CTDP1: variants seen among roughly 807,000 people sequenced by gnomAD.
CTDP1 encodes the protein CTD phosphatase 1.
Under a neutral mutation model 91.8 loss-of-function variants are expected in CTDP1, and 47 were observed. The observed-to-expected ratio is 0.51, with a 90% CI of 0.41 to 0.65. CTDP1 has a LOEUF of 0.65. Among genes scored for constraint, CTDP1 ranks in the 30% least tolerant of loss-of-function variants. CTDP1 has a pLI of 0.00. For missense variants in CTDP1, 1,272 were observed against 1,373.7 expected, an observed-to-expected ratio of 0.93 and a Z score of 1.17; for synonymous variants, 656 against 598.5, an observed-to-expected ratio of 1.10 and a Z score of -1.40.
upstream of CTDP1, chr18:79,678,163 GAA>G (rs2085277232): frequency 6.6e-6 from 1 of 152,226 alleles, no homozygotes. Context: ...ATGGTTTTGA[GAA>G]AAGAGAATTT....
chr18:79,683,757 G>A (rs2085424932), intron 1 of CTDP1, among the ~76,000 whole-genome samples: 1 of 152,234 alleles, frequency 6.6e-6, no homozygotes, highest in Non-Finnish European at 1.5e-5. Flanking sequence ...GGGGCCTTTG[G>A]AGAAAGTCTT....
upstream of CTDP1, chr18:79,679,121 G>A (rs1238437160): frequency 7.4e-6 from 2 of 272,006 alleles, no homozygotes; most frequent in African/African-American, 2.4e-5. Flanking sequence ...CTCCCGCTGC[G>A]GTCCGATTTT....
chr18:79,705,023 T>G, intron 5 of CTDP1, 106 bp downstream of exon 5: 2 of 1,530,184 alleles, frequency 1.3e-6, no homozygotes, highest in Admixed American at 3.6e-5. Flanking sequence ...CTCCTGCAAC[T>G]CAGTTGTAGT....
rs1216450990 is a variant in CTDP1 at position 79,720,323 on chromosome 18, ACCTCCCG to A, written c.2417+2308_2417+2314del. Among the ~76,000 whole-genome samples the A allele has an allele frequency of 1.1e-3, 61 of 53,560 alleles. 3 individuals are homozygous for A. The highest frequency in any genetic ancestry group is 8.6e-4 in the Admixed American group (4 of 4,650). 35.1% of individuals were successfully genotyped at this position (53,560 alleles called of 152,430 possible). A position where few individuals can be genotyped will look rare whatever the true frequency, so the allele number is the denominator to read the frequency against. On this transcript the variant is annotated intron_variant, in intron 10 of 12. Coordinates refer to ENST00000613122, the MANE Select transcript of CTDP1 (RefSeq NM_004715.5). Reference sequence around the variant, plus strand: ...CCTATTGTGTCCTGGTGATGCTGTCACCTCCCGTCATTAGGAGGGCGTCCTGGTGATG... The same window carrying A: ...CCTATTGTGTCCTGGTGATGCTGTCATCATTAGGAGGGCGTCCTGGTGATG...
intron 3 of CTDP1, among the ~76,000 whole-genome samples, chr18:79,697,632 C>A (rs1035344890): frequency 6.6e-6 from 1 of 152,200 alleles, no homozygotes; most frequent in Admixed American, 6.5e-5. Flanking sequence ...CCTCCGTTTT[C>A]ATTGGCTCAT....
At position 79,717,840 on chromosome 18, in the gene CTDP1, G is replaced by C. The variant is rs151072597; in HGVS notation, c.2241G>C (p.Arg747=). ...RENSPAAFPD[R]EGVPPTALFH... ...ACAGCCCTGCGGCCTTTCCCGACCG[G>C]GAGGGTGTGCCCCCCACCGCCTTGT... Residue 747 remains arginine, a synonymous_variant, in exon 10 of 13, where the codon CGG becomes CGC. Transcript: ENST00000613122. 4,012 of 1,613,648 alleles carry C rather than the reference G, an allele frequency of 2.5e-3. 87 individuals are homozygous for C. In the African/African-American group the frequency reaches 0.048, roughly 19 times the overall value.
rs374375255 is a variant in CTDP1 at position 79,729,009 on chromosome 18, G to A, written c.2520G>A (p.Met840Ile). Residue 840 changes from methionine to isoleucine, a missense_variant, in exon 11 of 13, where the codon ATG (methionine) becomes ATA (isoleucine). By Grantham distance (10) the Met-to-Ile change is conservative. Around this residue, in one of 3 missense-constraint regions of CTDP1, gnomAD observed 881 missense variants for 911.6 expected, o/e 0.97. Coordinates refer to ENST00000613122, the MANE Select transcript of CTDP1 (RefSeq NM_004715.5). ...GPSRRKRQPSMSETMPLYTLC... is the reference protein window; with the variant it reads ...GPSRRKRQPSISETMPLYTLC... ...CTAGAAGAAAGCGACAGCCCAGTAT[G>A]TCTGAGACAATGCCGCTGTACACTC... 219 of 1,614,052 alleles carry A rather than the reference G, an allele frequency of 1.4e-4. No homozygotes were observed. Among genetic ancestry groups the A allele is most frequent in the Non-Finnish European group, 1.8e-4 (213 of 1,180,056 alleles).
rs187271194 is a variant in CTDP1 at position 79,732,951 on chromosome 18, A to G, written c.2581-3404A>G. Among the ~76,000 whole-genome samples, 26 of 152,350 alleles carry G rather than the reference A, an allele frequency of 1.7e-4. 1 individual carries two copies. In the East Asian group the frequency reaches 4.8e-3, roughly 28 times the overall value. ...CTCGCTCTCACCATGAGTGCTCCCA[A>G]AATCACAGGAGATGTGAGAACTCGC... is the stretch of plus-strand genomic sequence containing the variant. On this transcript the variant is annotated intron_variant, in intron 11 of 12. Coordinates refer to ENST00000613122, the MANE Select transcript of CTDP1 (RefSeq NM_004715.5).
At chr18:79,690,175 G>T (rs2085590143) in intron 1 of CTDP1, among the ~76,000 whole-genome samples, 1 of 152,186 alleles carries the variant, frequency 6.6e-6, no homozygotes, top group African/African-American at 2.4e-5. Flanking sequence ...GAGAAGGTTG[G>T]ACCCACCTGG....
chr18:79,735,277 G>A (rs559196023), intron 11 of CTDP1, among the ~76,000 whole-genome samples: 4 of 152,182 alleles, frequency 2.6e-5, no homozygotes, highest in Non-Finnish European at 5.9e-5. Flanking sequence ...CCAGCCAGGT[G>A]TGCACCCCCA....
Position 79,680,028 on chromosome 18 carries a change from C to A in CTDP1, c.81C>A (p.Pro27=). The change falls in exon 1 of 13, where the codon CCC becomes CCA. Residue 27 remains proline, a synonymous_variant. Transcript: ENST00000613122. Reference sequence around the variant, plus strand: ...TGGCCGAGGTGCGCTGCCCGGGGCCCGCGCCGCTGCGCCTGCTGGAGTGGA... The same window carrying A: ...TGGCCGAGGTGCGCTGCCCGGGGCCAGCGCCGCTGCGCCTGCTGGAGTGGA... ...AAVAEVRCPG[P]APLRLLEWRV... is the part of the protein sequence containing the mutation. 7.9e-7 allele frequency: 1 copy of A among 1,259,302 alleles called. No individual in the cohort carries two copies. Among genetic ancestry groups the A allele is most frequent in the Non-Finnish European group, 9.9e-7 (1 of 1,006,594 alleles). 78.0% of individuals were successfully genotyped at this position (1,259,302 alleles called of 1,614,324 possible).
chr18:79,718,081 G>T, intron 10 of CTDP1, 65 bp downstream of exon 10: 2 of 1,581,246 alleles, frequency 1.3e-6, no homozygotes, highest in Non-Finnish European at 8.6e-7. Flanking sequence ...GCTCCAGTCT[G>T]TTGGGGGGAT....
intron 1 of CTDP1, among the ~76,000 whole-genome samples, chr18:79,682,777 A>C (rs1000387460): frequency 3.3e-5 from 5 of 152,096 alleles, no homozygotes; most frequent in African/African-American, 1.2e-4. Context: ...CCCCCGTGAG[A>C]ATGAGGGACT....
chr18:79,714,560 A>T lies in CTDP1; in HGVS notation c.1100A>T (p.Gln367Leu), dbSNP rs1228391777. Residue 367 changes from glutamine to leucine, a missense_variant, in exon 8 of 13, where the codon CAG becomes CTG. By Grantham distance (113) the Gln-to-Leu change is moderately radical (BLOSUM62 -2). Coordinates refer to ENST00000613122, the MANE Select transcript of CTDP1 (RefSeq NM_004715.5). ...PPVRDPEGVT[Q>L]APGVEPSNGL... ...GTGAGAGACCCTGAGGGGGTAACGC[A>T]GGCCCCTGGAGTGGAGCCCAGCAAT... is the stretch of plus-strand genomic sequence containing the variant. The T allele has an allele frequency of 1.2e-6, 2 of 1,613,014 alleles. No individual in the cohort carries two copies. The highest frequency in any genetic ancestry group is 2.2e-5 in the South Asian group (2 of 91,090).
chr18:79,713,802 A>C lies in CTDP1; in HGVS notation c.1030+664A>C, dbSNP rs1478096274. Among the ~76,000 whole-genome samples the C allele has an allele frequency of 6.6e-6, 1 of 151,870 alleles. No homozygotes were observed. The highest frequency in any genetic ancestry group is 1.5e-5 in the Non-Finnish European group (1 of 68,010). On this transcript the variant is annotated intron_variant, in intron 7 of 12. Transcript: ENST00000613122. This position sits in a 1 kb window ranked among gnomAD's most constrained non-coding sequence, Gnocchi z 4.7. ...GCGTGGAGTTGCTGACTTCCTCCAG[A>C]CCGTGGCTTGGGAAACCGTGGCCAT...
In CTDP1 at chr18:79,724,491, G is replaced by A. The variant is rs2086406693; in HGVS notation, c.2418-4416G>A. Among the ~76,000 whole-genome samples, 4 of 152,290 alleles carry A rather than the reference G, an allele frequency of 2.6e-5. No homozygotes were observed. In the South Asian group the frequency reaches 8.3e-4, roughly 32 times the overall value. On this transcript the variant is annotated intron_variant, in intron 10 of 12. Coordinates refer to ENST00000613122, the MANE Select transcript of CTDP1 (RefSeq NM_004715.5). ...CAGTGCTGTTTATTGCAGCCATTCT[G>A]ATAGGTGTGTCCTGAGCTGGTTGTG...
intron 11 of CTDP1, among the ~76,000 whole-genome samples, chr18:79,729,801 A>AT (rs2086528938): frequency 6.6e-6 from 1 of 152,194 alleles, no homozygotes; most frequent in African/African-American, 2.4e-5. Context: ...ACCACATCCC[A>AT]TGTCCTCCTG....
rs1214711096 is a variant in CTDP1, at chr18:79,679,863, GC to G, written c.-83del. On this transcript the variant is annotated 5_prime_UTR_variant, in exon 1 of 13. Transcript: ENST00000613122. ...TACCGAGAGGAACTACAGCGTCGCCGCCTGGGTTGTGTCGCCGCGGTAGGCG... is the reference window on the plus strand; with the variant it reads ...TACCGAGAGGAACTACAGCGTCGCCGCTGGGTTGTGTCGCCGCGGTAGGCG... 8.0e-7 allele frequency: 1 copy of G among 1,244,840 alleles called. No homozygotes were observed. The highest frequency in any genetic ancestry group is 1.0e-6 in the Non-Finnish European group (1 of 957,920). The allele number at this position is 1,244,840 out of a possible 1,614,324, so 77.1% of individuals were successfully genotyped here. A position where few individuals can be genotyped will look rare whatever the true frequency, so the allele number is the denominator to read the frequency against.
chr18:79,735,824 T>G, intron 11 of CTDP1: 2 of 163,726 alleles, frequency 1.2e-5, no homozygotes, highest in South Asian at 1.6e-4. Context: ...TGTTCAGGAG[T>G]CGCCCTCTCT....
Sources: gnomAD v4.1 joint callset for allele counts (sites outside exome capture counted in the v4.1 genomes callset) on GRCh38, gnomAD v4.1.1 for gene constraint, gnomAD v4.1.1 regional missense constraint, Gnocchi (gnomAD v3.1) non-coding constraint, MANE v1.5 for transcripts, NCBI Gene and HGNC (gene_info 2026-07-23, HGNC 2026-07-21) for gene names.